C2CD5: variants seen among roughly 807,000 people sequenced by gnomAD.
C2CD5 encodes C2 calcium dependent domain containing 5, also known as C2 domain-containing protein 5.
In C2CD5, 109 loss-of-function variants were observed where a neutral mutation model predicts 130.3. That is an observed-to-expected ratio of 0.84 (90% CI 0.72 to 0.98). The LOEUF is 0.98. C2CD5 is among the 50% of genes least tolerant of loss of function. The pLI, the probability that C2CD5 is intolerant of heterozygous loss-of-function variation, is 0.00. For synonymous variants in C2CD5, 454 were observed against 429.2 expected, an observed-to-expected ratio of 1.06 and a Z score of -0.71; for missense variants, 996 against 1,261.8, an observed-to-expected ratio of 0.79 and a Z score of 3.19.
chr12:22,506,645 C>T (rs994518163), intron 10 of C2CD5, 66 bp downstream of exon 10: 21 of 945,772 alleles, frequency 2.2e-5, no homozygotes, highest in Admixed American at 1.9e-4. Flanking sequence ...TTAAAAAAAT[C>T]ATAAAAATCA....
At chr12:22,534,300 AC>A (rs1425234539) in intron 3 of C2CD5, among the ~76,000 whole-genome samples, 27 of 152,222 alleles carry the variant, frequency 1.8e-4, no homozygotes, top group African/African-American at 6.5e-4. Flanking sequence ...TTACAAAAAA[AC>A]ATAGGGGTAA....
chr12:22,514,425 AC>A (rs1307407053), intron 8 of C2CD5, among the ~76,000 whole-genome samples: 4 of 152,198 alleles, frequency 2.6e-5, no homozygotes, highest in Non-Finnish European at 5.9e-5. Flanking sequence ...TAGAAATGAA[AC>A]TAAGATCTTT....
chr12:22,470,698 C>G (rs1490406636), intron 21 of C2CD5, 126 bp downstream of exon 21: 3 of 621,180 alleles, frequency 4.8e-6, no homozygotes, highest in Non-Finnish European at 8.5e-6. Context: ...TAAAGATGAA[C>G]AGAAAAAGCA....
At chr12:22,532,161 T>C (rs936645858) in intron 3 of C2CD5, among the ~76,000 whole-genome samples, 2 of 151,974 alleles carry the variant, frequency 1.3e-5, no homozygotes, top group Non-Finnish European at 2.9e-5. Context: ...AGAAACCCTG[T>C]CTCTACTAAA....
chr12:22,523,150 G>A (rs1353804231), intron 7 of C2CD5, among the ~76,000 whole-genome samples: 2 of 152,106 alleles, frequency 1.3e-5, no homozygotes, highest in African/African-American at 4.8e-5. Flanking sequence ...GAAGGTCAAG[G>A]CTGCAGTGAG....
chr12:22,525,790 G>T (rs1057101023), intron 4 of C2CD5, 85 bp from the exon 5 acceptor site: 11 of 746,844 alleles, frequency 1.5e-5, no homozygotes, highest in Non-Finnish European at 2.6e-5. Context: ...GCTAAATAAT[G>T]ATTTTAAAAT....
At chr12:22,518,903 T>G (rs1365769142) in intron 7 of C2CD5, 2 of 391,016 alleles carry the variant, frequency 5.1e-6, no homozygotes, top group East Asian at 7.9e-5. Context: ...TGGAAGAGAC[T>G]TTGGAAGCTG....
chr12:22,493,918 C>A lies in C2CD5; in HGVS notation c.1148-581G>T, dbSNP rs143800056. Among the ~76,000 whole-genome samples the A allele has an allele frequency of 4.8e-3, 732 of 151,062 alleles. 6 individuals carry two copies. Among genetic ancestry groups the A allele is most frequent in the East Asian group, 0.013 (68 of 5,150 alleles). On this transcript the variant is annotated intron_variant, in intron 10 of 26. Coordinates refer to ENST00000446597, the MANE Select transcript of C2CD5 (RefSeq NM_001286176.2). The stretch of plus-strand genomic sequence containing the variant: ...AATTTAAAAAAAAAAAGAAAGAAAG[C>A]AAGCACACTTAAAATATTAACACAA...
chr12:22,529,027 G>A (rs953165016), intron 3 of C2CD5, among the ~76,000 whole-genome samples: 6 of 152,170 alleles, frequency 3.9e-5, no homozygotes, highest in African/African-American at 1.4e-4. Context: ...GGAATTCACA[G>A]ATGAAATCAT....
chr12:22,530,111 T>TATATATAC (rs1301636778), intron 3 of C2CD5, among the ~76,000 whole-genome samples: 9 of 87,548 alleles, frequency 1.0e-4, no homozygotes, highest in African/African-American at 1.9e-4. Flanking sequence ...TATATATATA[T>TATATATAC]ACACACACAC....
chr12:22,484,943 A>G, intron 12 of C2CD5, 55 bp from the exon 13 acceptor site: 6 of 859,930 alleles, frequency 7.0e-6, no homozygotes, highest in Non-Finnish European at 1.0e-5. Flanking sequence ...CAATTTTTTC[A>G]AAAATAATTA....
At chr12:22,479,377 C>A (rs1009125255) in intron 14 of C2CD5, among the ~76,000 whole-genome samples, 5 of 151,244 alleles carry the variant, frequency 3.3e-5, no homozygotes, top group Non-Finnish European at 7.4e-5. Context: ...CCCGGACCTA[C>A]CTCATAATTT....
intron 9 of C2CD5, among the ~76,000 whole-genome samples, chr12:22,511,249 G>T (rs995419022): frequency 1.3e-5 from 2 of 151,114 alleles, no homozygotes; most frequent in East Asian, 3.9e-4. Context: ...TTAAAGAAAG[G>T]AATATAAAAC....
chr12:22,472,837 A>C, intron 16 of C2CD5, 30 bp from the exon 17 acceptor site: 1 of 1,128,966 alleles, frequency 8.9e-7, no homozygotes. Context: ...CTATTTTATA[A>C]GTAGTAAATG....
intron 15 of C2CD5, among the ~76,000 whole-genome samples, chr12:22,475,387 G>A (rs978454420): frequency 6.6e-6 from 1 of 151,988 alleles, no homozygotes; most frequent in Admixed American, 6.6e-5. Context: ...CTTATACTAT[G>A]CACATATTTG....
intron 14 of C2CD5, among the ~76,000 whole-genome samples, chr12:22,479,038 A>G (rs926248832): frequency 3.3e-5 from 5 of 152,010 alleles, no homozygotes; most frequent in Non-Finnish European, 7.4e-5. Flanking sequence ...TTTACTTTTC[A>G]CTGCATACCC....
At chr12:22,471,250 A>G (rs1942978248) in intron 20 of C2CD5, 149 bp downstream of exon 20, 2 of 595,308 alleles carry the variant, frequency 3.4e-6, no homozygotes, top group East Asian at 5.6e-5. Flanking sequence ...AGAAACACAC[A>G]TGGCCTAATG....
intron 3 of C2CD5, among the ~76,000 whole-genome samples, chr12:22,530,105 TATATATACACACACAC>T (rs1231139888): frequency 5.2e-5 from 6 of 114,576 alleles, no homozygotes; most frequent in African/African-American, 1.9e-4. Context: ...TATATATATA[TATATATACACACACAC>T]ACACACACAC....
At chr12:22,504,841 A>C (rs199924265) in intron 10 of C2CD5, among the ~76,000 whole-genome samples, 1 of 125,732 alleles carries the variant, frequency 8.0e-6, no homozygotes, top group Non-Finnish European at 1.7e-5. Flanking sequence ...AGAATTTGGC[A>C]TAGTCTTCAA....
Sources: gnomAD v4.1 joint callset for allele counts (sites outside exome capture counted in the v4.1 genomes callset) on GRCh38, gnomAD v4.1.1 for gene constraint, MANE v1.5 for transcripts, NCBI Gene and HGNC (gene_info 2026-07-23, HGNC 2026-07-21) for gene names.